Variants in ARHGAP32 observed in about 807,000 individuals in gnomAD.
ARHGAP32 encodes the protein rho GTPase-activating protein 32.
ARHGAP32 carries 51 observed loss-of-function variants against 186.5 expected under a neutral mutation model. That is an observed-to-expected ratio of 0.27 (90% confidence interval 0.22 to 0.35). ARHGAP32 has a LOEUF of 0.35. ARHGAP32 is among the 10% of genes least tolerant of loss of function. ARHGAP32 has a pLI of 1.00. For missense variants in ARHGAP32, 2,186 were observed against 2,623.5 expected (o/e 0.83, Z 3.64); for synonymous variants, 950 against 964.3 (o/e 0.99, Z 0.27).
intron 1 of ARHGAP32, among the ~76,000 whole-genome samples, chr11:129,247,812 A>G (rs983887587): frequency 7.2e-5 from 11 of 152,228 alleles, no homozygotes; most frequent in Admixed American, 7.2e-4. Flanking sequence ...TTCTCCAAGT[A>G]TTACAGGGAG....
chr11:128,971,202 T>C, intron 22 of ARHGAP32, 43 bp from the exon 23 acceptor site: 1 of 1,515,146 alleles, frequency 6.6e-7, no homozygotes, highest in Non-Finnish European at 9.0e-7. Flanking sequence ...TTTTGTTCCC[T>C]CTATGAATCA....
chr11:129,019,946 A>G (rs902018060), intron 11 of ARHGAP32, among the ~76,000 whole-genome samples: 5 of 152,086 alleles, frequency 3.3e-5, no homozygotes, highest in Non-Finnish European at 7.4e-5. Context: ...TCACTATAAG[A>G]TTTTAGAAAA....
intron 5 of ARHGAP32, among the ~76,000 whole-genome samples, chr11:129,119,842 G>C (rs976180238): frequency 1.3e-5 from 2 of 151,988 alleles, no homozygotes; most frequent in African/African-American, 4.8e-5. Context: ...CTGAGAAGGG[G>C]GTGAGCATAC....
chr11:129,259,261 C>T (rs914838779), intron 1 of ARHGAP32, among the ~76,000 whole-genome samples: 2 of 152,164 alleles, frequency 1.3e-5, no homozygotes, highest in Admixed American at 1.3e-4. Context: ...ATACTCAGCT[C>T]TTTCTAAAGA....
At chr11:129,215,891 G>A (rs1445865155) in intron 1 of ARHGAP32, among the ~76,000 whole-genome samples, 3 of 152,090 alleles carry the variant, frequency 2.0e-5, no homozygotes, top group Non-Finnish European at 4.4e-5. Flanking sequence ...AATAAATGAA[G>A]AATTTTGAGA....
intron 16 of ARHGAP32, 111 bp from the exon 17 acceptor site, chr11:128,981,672 T>C (rs549593546): frequency 2.3e-6 from 3 of 1,296,152 alleles, no homozygotes; most frequent in African/African-American, 1.5e-5. Flanking sequence ...ATACTTTTAC[T>C]GTCCCTTAGC....
At chr11:129,015,810 C>T (rs1049925381) in intron 11 of ARHGAP32, among the ~76,000 whole-genome samples, 3 of 152,176 alleles carry the variant, frequency 2.0e-5, no homozygotes, top group Non-Finnish European at 2.9e-5. Context: ...TATTTCCATT[C>T]TCCTGCTGTC....
rs71057935 is a variant in ARHGAP32, at chr11:129,232,023, C to CAAA, written c.-5+47120_-5+47122dup. Among the ~76,000 whole-genome samples, 103 of 64,546 alleles carry CAAA rather than the reference C, an allele frequency of 1.6e-3. 10 individuals are homozygous for CAAA. Among genetic ancestry groups the CAAA allele is most frequent in the East Asian group, 6.6e-3 (11 of 1,656 alleles). The allele number at this position is 64,546 out of a possible 152,430, so 42.3% of individuals were successfully genotyped here. Reference sequence around the variant, plus strand: ...CCTAGGTGACAAAGTGAGACGGACTCAAAAAAAAAAAAAAAAAAAAAAAAA... The same window carrying CAAA: ...CCTAGGTGACAAAGTGAGACGGACTCAAAAAAAAAAAAAAAAAAAAAAAAAAAA... On this transcript the variant is annotated intron_variant, in intron 1 of 6. Coordinates refer to the ARHGAP32 transcript ENST00000525234.
intron 11 of ARHGAP32, among the ~76,000 whole-genome samples, chr11:128,999,068 A>T (rs1946278425): frequency 6.6e-6 from 1 of 152,230 alleles, no homozygotes; most frequent in Non-Finnish European, 1.5e-5. Context: ...AGATAACCAT[A>T]AGGCCTGACT....
chr11:129,021,084 T>C (rs752171331), intron 11 of ARHGAP32, among the ~76,000 whole-genome samples: 18 of 152,004 alleles, frequency 1.2e-4, no homozygotes, highest in Non-Finnish European at 2.2e-4. Flanking sequence ...CCACTAGTAA[T>C]GGCTCTTGAC....
At chr11:129,254,925 A>G (rs1945233392) in intron 1 of ARHGAP32, among the ~76,000 whole-genome samples, 1 of 152,148 alleles carries the variant, frequency 6.6e-6, no homozygotes, top group African/African-American at 2.4e-5. Context: ...AAAATCCATT[A>G]AGAGGCTAGA....
At chr11:129,130,305 ATCTTC>A (rs552463883) in intron 2 of ARHGAP32, among the ~76,000 whole-genome samples, 1 of 152,170 alleles carries the variant, frequency 6.6e-6, no homozygotes, top group Non-Finnish European at 1.5e-5. Context: ...TAAAACTTCA[ATCTTC>A]TCTTAAATAA....
chr11:129,112,257 C>T (rs953038901), intron 5 of ARHGAP32, among the ~76,000 whole-genome samples: 2 of 151,856 alleles, frequency 1.3e-5, no homozygotes, highest in African/African-American at 4.8e-5. Flanking sequence ...AAAATTTCAC[C>T]ATTAGTCTGA....
intron 7 of ARHGAP32, 118 bp downstream of exon 7, chr11:129,066,613 A>C (rs1350633371): frequency 2.3e-5 from 20 of 854,608 alleles, no homozygotes; most frequent in Non-Finnish European, 3.2e-5. Flanking sequence ...GAAACAGGCA[A>C]GTAGTCCCAG....
intron 10 of ARHGAP32, among the ~76,000 whole-genome samples, chr11:129,053,793 T>A (rs1278910285): frequency 6.6e-6 from 1 of 152,174 alleles, no homozygotes; most frequent in Non-Finnish European, 1.5e-5. Flanking sequence ...CTCTTGAAAT[T>A]ATGTCACAGA....
chr11:129,209,154 T>C (rs566729032), intron 1 of ARHGAP32, among the ~76,000 whole-genome samples: 12 of 152,306 alleles, frequency 7.9e-5, no homozygotes, highest in Admixed American at 4.6e-4. Context: ...ATCTCATTAA[T>C]AACAATGACT....
At chr11:129,189,286 C>T (rs1249558098) in intron 1 of ARHGAP32, among the ~76,000 whole-genome samples, 4 of 152,110 alleles carry the variant, frequency 2.6e-5, no homozygotes, top group African/African-American at 9.7e-5. Flanking sequence ...CAAAATTTTG[C>T]TCCACCATGA....
intron 1 of ARHGAP32, among the ~76,000 whole-genome samples, chr11:129,239,872 C>A (rs1455727833): frequency 3.3e-5 from 5 of 152,138 alleles, no homozygotes; most frequent in Admixed American, 2.0e-4. Flanking sequence ...CATACACACA[C>A]ACAATTACTT....
rs554604194 is a variant in ARHGAP32, at chr11:129,002,856, T to A, written c.1046-4388A>T. 5.7e-3 allele frequency among the ~76,000 whole-genome samples: 792 copies of A among 139,906 alleles called. 14 individuals carry two copies. The highest frequency in any genetic ancestry group is 0.02 in the African/African-American group (748 of 37,500). 91.8% of individuals were successfully genotyped at this position (139,906 alleles called of 152,430 possible). A position where few individuals can be genotyped will look rare whatever the true frequency, so the allele number is the denominator to read the frequency against. On this transcript the variant is annotated intron_variant, in intron 11 of 22. Transcript: ENST00000682385. ...CGGAGTCTCGCTCTGTCACCCAGGC[T>A]GGAGTGCAGTGGCGCGATCTCGGCT...
Sources: gnomAD v4.1 joint callset for allele counts (sites outside exome capture counted in the v4.1 genomes callset) on GRCh38, gnomAD v4.1.1 for gene constraint, MANE v1.5 for transcripts, NCBI Gene and HGNC (gene_info 2026-07-23, HGNC 2026-07-21) for gene names.